The following HTR1F variants were observed in gnomAD, a reference collection of about 807,000 sequenced individuals.
HTR1F encodes the protein 5-hydroxytryptamine receptor 1F.
In HTR1F, 17 loss-of-function variants were observed where a neutral mutation model predicts 24.0. That is an observed-to-expected ratio of 0.71 (90% CI 0.48 to 1.06). The LOEUF (loss-of-function observed/expected upper bound fraction) is 1.06. Among genes scored for constraint, HTR1F ranks in the 50% least tolerant of loss-of-function variants. The pLI is 0.00. For synonymous variants in HTR1F, 186 were observed against 156.8 expected (o/e 1.19, Z -1.39); for missense variants, 391 against 427.8 (o/e 0.91, Z 0.76).
At chr3:87,887,577 C>T (rs1705979876) in intron 2 of HTR1F, among the ~76,000 whole-genome samples, 1 of 152,158 alleles carries the variant, frequency 6.6e-6, no homozygotes, top group Non-Finnish European at 1.5e-5. Context: ...ATCTATCCAT[C>T]TGACAAAGGG....
At chr3:87,919,605 A>G (rs1248051422) in intron 2 of HTR1F, among the ~76,000 whole-genome samples, 2 of 152,152 alleles carry the variant, frequency 1.3e-5, no homozygotes, top group African/African-American at 4.8e-5. Context: ...ATGACCAACA[A>G]ACATATGAAA....
chr3:87,871,035 T>A, intron 2 of HTR1F, among the ~76,000 whole-genome samples: 1 of 147,186 alleles, frequency 6.8e-6, no homozygotes, highest in Non-Finnish European at 1.5e-5. Flanking sequence ...TATGGCTCAA[T>A]CATGGAAGCA....
At chr3:87,900,042 A>C (rs1706287088) in intron 2 of HTR1F, among the ~76,000 whole-genome samples, 2 of 152,216 alleles carry the variant, frequency 1.3e-5, no homozygotes, top group Admixed American at 1.3e-4. Flanking sequence ...AGTAGTATTA[A>C]TATAAAGAAA....
chr3:87,808,727 C>CT (rs1704112906), intron 1 of HTR1F, among the ~76,000 whole-genome samples: 1 of 151,674 alleles, frequency 6.6e-6, no homozygotes, highest in Non-Finnish European at 1.5e-5. Context: ...AATCTTTCTA[C>CT]TTTTTTATGT....
intron 2 of HTR1F, among the ~76,000 whole-genome samples, chr3:87,932,161 G>A (rs1323790941): frequency 6.6e-6 from 1 of 151,954 alleles, no homozygotes. Flanking sequence ...TTTCTTCTAG[G>A]GTTTTTATGG....
chr3:87,927,359 A>C (rs1704151051), intron 2 of HTR1F, among the ~76,000 whole-genome samples: 1 of 102,974 alleles, frequency 9.7e-6, no homozygotes. Context: ...TCTTAGTTTT[A>C]AATGTAAAGA....
At chr3:87,897,589 A>G (rs866984450) in intron 2 of HTR1F, among the ~76,000 whole-genome samples, 29 of 152,214 alleles carry the variant, frequency 1.9e-4, no homozygotes, top group Middle Eastern at 3.4e-3. Flanking sequence ...AAGATTTTAC[A>G]TTAACTTAAT....
intron 2 of HTR1F, among the ~76,000 whole-genome samples, chr3:87,888,622 G>A (rs991531861): frequency 6.6e-6 from 1 of 152,056 alleles, no homozygotes; most frequent in Non-Finnish European, 1.5e-5. Context: ...TCTGGTTATT[G>A]AATTATATTG....
intron 2 of HTR1F, among the ~76,000 whole-genome samples, chr3:87,951,195 G>A (rs1200409311): frequency 6.6e-6 from 1 of 152,074 alleles, no homozygotes. Flanking sequence ...ATTTCAGACT[G>A]TAAGTTTTTG....
At chr3:87,809,059 C>A (rs1177279903) in intron 1 of HTR1F, among the ~76,000 whole-genome samples, 1 of 151,700 alleles carries the variant, frequency 6.6e-6, no homozygotes, top group Non-Finnish European at 1.5e-5. Context: ...ACAGAAAAGT[C>A]ACATATTTTT....
chr3:87,850,678 G>A (rs1435275704), intron 2 of HTR1F, among the ~76,000 whole-genome samples: 1 of 151,550 alleles, frequency 6.6e-6, no homozygotes, highest in East Asian at 1.9e-4. Context: ...TATGTCAATA[G>A]AAATATTTTC....
At chr3:87,836,725 A>G (rs1280363416) in intron 2 of HTR1F, among the ~76,000 whole-genome samples, 5 of 152,170 alleles carry the variant, frequency 3.3e-5, no homozygotes, top group African/African-American at 1.2e-4. Context: ...AAAAAGTTTT[A>G]AAATATATGT....
chr3:87,793,329 G>C (rs945274765), intron 1 of HTR1F: 1 of 152,122 alleles, frequency 6.6e-6, no homozygotes, highest in Non-Finnish European at 1.5e-5. Context: ...TCGCGGGGGG[G>C]ACGGTAAGAT....
chr3:87,985,278 T>C (rs746178333), intron 2 of HTR1F, among the ~76,000 whole-genome samples: 10 of 151,690 alleles, frequency 6.6e-5, no homozygotes, highest in Non-Finnish European at 1.3e-4. Context: ...GAGGTTGCGG[T>C]GAGCCAGAGA....
chr3:87,979,137 G>A (rs60415656), intron 2 of HTR1F, among the ~76,000 whole-genome samples: 3,007 of 27,692 alleles, frequency 0.11, 180 homozygotes, highest in South Asian at 0.16. Flanking sequence ...GGGAGGGAGG[G>A]AGGGAGGGAG....
At chr3:87,807,712 A>G (rs1704096552) in intron 1 of HTR1F, among the ~76,000 whole-genome samples, 1 of 151,930 alleles carries the variant, frequency 6.6e-6, no homozygotes, top group African/African-American at 2.4e-5. Flanking sequence ...ATTAGGGGAA[A>G]GGCTTTCAGG....
At chr3:87,888,625 T>C (rs1706011594) in intron 2 of HTR1F, among the ~76,000 whole-genome samples, 1 of 152,124 alleles carries the variant, frequency 6.6e-6, no homozygotes, top group African/African-American at 2.4e-5. Context: ...GGTTATTGAA[T>C]TATATTGTAG....
rs1295377382 is a variant in HTR1F, at chr3:87,805,994, T to C, written c.-160+13152T>C. 2.0e-5 allele frequency among the ~76,000 whole-genome samples: 3 copies of C among 152,056 alleles called. No homozygotes were observed. In the East Asian group the frequency reaches 5.8e-4, roughly 29 times the overall value. Reference sequence around the variant, plus strand: ...AGCAACTTTTTTTAGCTCACAAATATGAGTAAGAACATGTGAAATTTGTCT... The same window carrying C: ...AGCAACTTTTTTTAGCTCACAAATACGAGTAAGAACATGTGAAATTTGTCT... On this transcript the variant is annotated intron_variant, in intron 1 of 2. Transcript: ENST00000319595.
chr3:87,805,952 T>C (rs1704066714), intron 1 of HTR1F, among the ~76,000 whole-genome samples: 2 of 152,080 alleles, frequency 1.3e-5, no homozygotes, highest in Admixed American at 1.3e-4. Context: ...TACATGCACA[T>C]TCATTACTTT....
Sources: gnomAD v4.1 joint callset for allele counts (sites outside exome capture counted in the v4.1 genomes callset) on GRCh38, gnomAD v4.1.1 for gene constraint, MANE v1.5 for transcripts, NCBI Gene and HGNC (gene_info 2026-07-23, HGNC 2026-07-21) for gene names.